RNH1: variants seen among roughly 807,000 people sequenced by gnomAD.
RNH1 encodes the protein ribonuclease/angiogenin inhibitor 1.
Under a neutral mutation model 46.1 loss-of-function variants are expected in RNH1, and 38 were observed. The observed-to-expected ratio is 0.82, with a 90% CI of 0.64 to 1.08. RNH1 has a LOEUF of 1.08. Among genes scored for constraint, RNH1 ranks in the 50% least tolerant of loss-of-function variants. RNH1 has a pLI of 0.00. For synonymous variants in RNH1, 319 were observed against 279.1 expected (o/e 1.14, Z -1.43); for missense variants, 577 against 590.7 (o/e 0.98, Z 0.24).
chr11:497,012 C>G (rs1386515393), intron 9 of RNH1, among the ~76,000 whole-genome samples: 1 of 152,258 alleles, frequency 6.6e-6, no homozygotes, highest in Non-Finnish European at 1.5e-5. Flanking sequence ...TGCCGCCAGC[C>G]CGCCTTTCCC....
intron 1 of RNH1, chr11:506,744 T>G (rs1472148099): frequency 1.3e-5 from 2 of 152,272 alleles, no homozygotes; most frequent in Admixed American, 6.5e-5. Context: ...TGGGCCAGGA[T>G]TGCTTGCGTA....
At chr11:503,776 G>A (rs544256842) in intron 2 of RNH1, among the ~76,000 whole-genome samples, 1 of 152,140 alleles carries the variant, frequency 6.6e-6, no homozygotes, top group South Asian at 2.1e-4. Flanking sequence ...AGGGTGGCCA[G>A]TGCTCCCGTG....
At chr11:498,286 G>T in intron 8 of RNH1, 145 bp from the exon 9 acceptor site, 1 of 1,246,140 alleles carries the variant, frequency 8.0e-7, no homozygotes, top group Non-Finnish European at 1.1e-6. Flanking sequence ...CCTGGTCCTT[G>T]GCCCCAAGCA....
At position 497,397 on chromosome 11, in the gene RNH1, G is replaced by GCTCA. The variant is rs1849231174; in HGVS notation, c.1127+573_1127+574insTGAG. Among the ~76,000 whole-genome samples the GCTCA allele has an allele frequency of 7.9e-5, 10 of 126,816 alleles. No individual in the cohort carries two copies. The South Asian group carries it at 2.1e-3, about 27-fold the overall frequency. The allele number at this position is 126,816 out of a possible 152,430, so 83.2% of individuals were successfully genotyped here. ...CATGTGCTCACACTCGGACACTCGT[G>GCTCA]CTCTCACCCATGTGCTCACACACGG... is the stretch of plus-strand genomic sequence containing the variant. On this transcript the variant is annotated intron_variant, in intron 9 of 10. Transcript: ENST00000354420.
intron 9 of RNH1, among the ~76,000 whole-genome samples, chr11:496,633 C>CACTCCAGCCTGGGCGACAGAGCAAG (rs1328376896): frequency 2.2e-4 from 33 of 152,302 alleles, no homozygotes; most frequent in Non-Finnish European, 2.5e-4. Flanking sequence ...CGCACCACTG[C>CACTCCAGCCTGGGCGACAGAGCAAG]ACTCCAGCCT....
intron 5 of RNH1, 139 bp downstream of exon 5, chr11:499,690 T>G: frequency 2.0e-6 from 2 of 1,012,638 alleles, no homozygotes; most frequent in Non-Finnish European, 1.5e-6. Context: ...CCCAGCATCA[T>G]GGGGAAAGGA....
intron 2 of RNH1, chr11:503,395 G>A (rs1849931627): frequency 6.6e-6 from 1 of 152,276 alleles, no homozygotes; most frequent in South Asian, 2.1e-4. Context: ...CATGAGTGGA[G>A]GCAAGAGGCC....
chr11:501,989 A>G lies in RNH1; in HGVS notation c.101+73T>C. 1 of 964,614 alleles carries G rather than the reference A, an allele frequency of 1.0e-6. No homozygotes were observed. Among genetic ancestry groups the G allele is most frequent in the Admixed American group, 2.0e-5 (1 of 50,628 alleles). The allele number at this position is 964,614 out of a possible 1,614,324, so 59.8% of individuals were successfully genotyped here. On this transcript the variant is annotated intron_variant, in intron 3 of 10. Coordinates refer to ENST00000354420, the MANE Select transcript of RNH1 (RefSeq NM_203387.3). This position sits in a 1 kb window ranked among gnomAD's most constrained non-coding sequence, Gnocchi z 4.1. ...CAAACAAGGCGTTCCAGAGCAATGCACCCTTCAGAGGGAGCCGCCACCCGC... is the reference window on the plus strand; with the variant it reads ...CAAACAAGGCGTTCCAGAGCAATGCGCCCTTCAGAGGGAGCCGCCACCCGC...
chr11:505,795 C>G (rs143622196), intron 1 of RNH1: 4 of 151,930 alleles, frequency 2.6e-5, no homozygotes, highest in African/African-American at 9.7e-5. Flanking sequence ...GTCGCAAACT[C>G]CTGGGCTCAA....
intron 4 of RNH1, 151 bp from the exon 5 acceptor site, chr11:500,150 AG>A: frequency 3.2e-6 from 3 of 937,456 alleles, no homozygotes; most frequent in Non-Finnish European, 4.6e-6. Context: ...TGGGGTCTCC[AG>A]GCCGAGTGAA....
In RNH1 at chr11:494,956, AGTT is replaced by A; in HGVS notation, c.1222_1224del (p.Asn408del). The A allele has an allele frequency of 1.2e-6, 2 of 1,607,652 alleles. No individual in the cohort carries two copies. The highest frequency in any genetic ancestry group is 1.1e-5 in the South Asian group (1 of 90,140). On this transcript the variant is annotated inframe_deletion, in exon 10 of 11. Transcript: ENST00000354420. Reference sequence around the variant, plus strand: ...TGCAGGATGCCGGCGTCCCCCAGGCAGTTGTTGCTGAGGTCCAGCTCACGCAGG... The same window carrying A: ...TGCAGGATGCCGGCGTCCCCCAGGCAGTTGCTGAGGTCCAGCTCACGCAGG...
Position 498,508 on chromosome 11 carries a change from C to G in RNH1, c.905G>C (p.Arg302Pro), listed in dbSNP as rs752739616. The G allele has an allele frequency of 6.2e-7, 1 of 1,613,328 alleles. No individual in the cohort carries two copies. Among genetic ancestry groups the G allele is most frequent in the Non-Finnish European group, 8.5e-7 (1 of 1,180,012 alleles). The change falls in exon 8 of 11, where the codon CGA becomes CCA. Residue 302 changes from arginine to proline, a missense_variant. Coordinates refer to ENST00000354420, the MANE Select transcript of RNH1 (RefSeq NM_203387.3). ...TTCCAGCAGGGTCTCACACAGCAGTCGGGCACCCTCATCCCCCAGCTCGTT... is the reference window on the plus strand; with the variant it reads ...TTCCAGCAGGGTCTCACACAGCAGTGGGGCACCCTCATCCCCCAGCTCGTT... ...AGNELGDEGA[R>P]LLCETLLEPG... is the part of the protein sequence containing the mutation.
chr11:494,863 C>T lies in RNH1; in HGVS notation c.1298+20G>A, dbSNP rs373150556. 99 of 1,611,640 alleles carry T rather than the reference C, an allele frequency of 6.1e-5. No homozygotes were observed. The highest frequency in any genetic ancestry group is 7.7e-5 in the South Asian group (7 of 90,932). The stretch of plus-strand genomic sequence containing the variant: ...CCTGGGCAGCCCTGGCCGCACCACC[C>T]GCCCAGCGCGTGCACATACACCAGC... On this transcript the variant is annotated intron_variant, in intron 10 of 10. Coordinates refer to ENST00000354420, the MANE Select transcript of RNH1 (RefSeq NM_203387.3).
intron 9 of RNH1, among the ~76,000 whole-genome samples, chr11:495,658 G>A (rs987356558): frequency 6.6e-6 from 1 of 152,192 alleles, no homozygotes. Flanking sequence ...GTGGCTCAGG[G>A]GGAACAAGTC....
chr11:497,250 T>G (rs1289039594), intron 9 of RNH1, among the ~76,000 whole-genome samples: 1 of 118,408 alleles, frequency 8.4e-6, no homozygotes, highest in Admixed American at 8.9e-5. Context: ...CGGACACTCA[T>G]GCTCACTCTC....
intron 5 of RNH1, chr11:499,491 C>A (rs946801048): frequency 4.3e-6 from 3 of 694,992 alleles, no homozygotes; most frequent in Non-Finnish European, 5.3e-6. Context: ...GGTCAACTCA[C>A]AATGGCCGGG....
chr11:500,242 A>G (rs1009973413), intron 4 of RNH1: 1 of 666,578 alleles, frequency 1.5e-6, no homozygotes. Flanking sequence ...TGATGCTGGA[A>G]GGCTAGGGAT....
At chr11:503,919 C>T (rs932178022) in intron 2 of RNH1, among the ~76,000 whole-genome samples, 2 of 152,144 alleles carry the variant, frequency 1.3e-5, no homozygotes, top group African/African-American at 2.4e-5. Flanking sequence ...CATGAAAATG[C>T]GGGAGTAAAC....
At chr11:497,949 C>A in intron 9 of RNH1, 22 bp downstream of exon 9, 1 of 1,605,964 alleles carries the variant, frequency 6.2e-7, no homozygotes, top group Non-Finnish European at 8.5e-7. Context: ...AATGTGCATA[C>A]TCGTGTCCCT....
Sources: allele counts gnomAD v4.1 joint callset (sites outside exome capture counted in the v4.1 genomes callset), GRCh38; gene constraint gnomAD v4.1.1; non-coding constraint Gnocchi (gnomAD v3.1); transcripts MANE v1.5; gene names NCBI Gene and HGNC (gene_info 2026-07-23, HGNC 2026-07-21).